Variants in PSD3 observed in about 807,000 individuals in gnomAD.
PSD3 encodes pleckstrin and Sec7 domain containing 3.
Under a neutral mutation model 105.5 loss-of-function variants are expected in PSD3, and 49 were observed. That is an observed-to-expected ratio of 0.46 (90% CI 0.37 to 0.59). The LOEUF is 0.59. Ranked by LOEUF, PSD3 falls within the 20% of genes least tolerant of loss-of-function variation. The pLI, the probability that PSD3 is intolerant of heterozygous loss-of-function variation, is 0.00. For missense variants in PSD3, 1,561 were observed against 1,263.8 expected (o/e 1.24, Z -3.57); for synonymous variants, 557 against 457.8 (o/e 1.22, Z -2.77).
intron 1 of PSD3, among the ~76,000 whole-genome samples, chr8:19,059,640 A>C (rs982552924): frequency 2.0e-5 from 3 of 152,270 alleles, no homozygotes; most frequent in African/African-American, 7.2e-5. Flanking sequence ...CAGTTAGTCA[A>C]GAAATTTAAA....
intron 4 of PSD3, among the ~76,000 whole-genome samples, chr8:18,824,074 G>A (rs908066525): frequency 6.6e-6 from 1 of 152,164 alleles, no homozygotes; most frequent in Non-Finnish European, 1.5e-5. Flanking sequence ...TTGGGAGGCT[G>A]AGGCGGGAAG....
At position 18,869,290 on chromosome 8, in the gene PSD3, A is replaced by G. The variant is rs182430332; in HGVS notation, c.1239-1221T>C. The stretch of plus-strand genomic sequence containing the variant: ...CTGCAGCCTCCGCCTCCCAGGTTCA[A>G]GTGACTCTCCTGCCTCAGACTCTCA... On this transcript the variant is annotated intron_variant, in intron 3 of 15. Coordinates refer to ENST00000327040, the MANE Select transcript of PSD3 (RefSeq NM_015310.4). Among the ~76,000 whole-genome samples, 3 of 150,200 alleles carry G rather than the reference A, an allele frequency of 2.0e-5. No individual in the cohort carries two copies. The East Asian group carries it at 5.9e-4, about 30-fold the overall frequency.
intron 1 of PSD3, among the ~76,000 whole-genome samples, chr8:18,945,423 G>T (rs1202384662): frequency 2.6e-5 from 4 of 152,196 alleles, no homozygotes; most frequent in African/African-American, 7.2e-5. Flanking sequence ...GTGAGCCAAG[G>T]AATGCAAGAA....
At chr8:18,618,513 TA>T (rs1235043038) in intron 11 of PSD3, among the ~76,000 whole-genome samples, 21 of 140,740 alleles carry the variant, frequency 1.5e-4, no homozygotes, top group Non-Finnish European at 2.9e-4. Context: ...TTGCTGTATC[TA>T]TCATATTTTA....
intron 4 of PSD3, among the ~76,000 whole-genome samples, chr8:18,828,068 T>TATATATATATATATA (rs1554515387): frequency 9.6e-5 from 8 of 83,302 alleles, no homozygotes; most frequent in African/African-American, 4.0e-4. Flanking sequence ...TATATATATA[T>TATATATATATATATA]TTTTTTTTTT....
chr8:18,937,727 G>C (rs1467515435), intron 1 of PSD3, among the ~76,000 whole-genome samples: 2 of 152,178 alleles, frequency 1.3e-5, no homozygotes, highest in African/African-American at 4.8e-5. Flanking sequence ...CAATAGAGAG[G>C]AAATATTAAT....
At chr8:18,834,489 T>C (rs914111847) in intron 4 of PSD3, among the ~76,000 whole-genome samples, 1 of 152,198 alleles carries the variant, frequency 6.6e-6, no homozygotes, top group South Asian at 2.1e-4. Context: ...CCACAGCCCC[T>C]GGCAACAGGC....
chr8:19,064,513 TTG>T (rs1829012061), intron 1 of PSD3, among the ~76,000 whole-genome samples: 1 of 151,700 alleles, frequency 6.6e-6, no homozygotes, highest in Non-Finnish European at 1.5e-5. Flanking sequence ...TATCATTTCT[TTG>T]TGTTAGGGAC....
At chr8:19,021,456 A>G (rs1287173192) in intron 1 of PSD3, among the ~76,000 whole-genome samples, 1 of 151,488 alleles carries the variant, frequency 6.6e-6, no homozygotes, top group Non-Finnish European at 1.5e-5. Context: ...TTTTTTTTGC[A>G]TAAATAATGA....
chr8:18,808,796 T>C, intron 4 of PSD3: 1 of 1,613,776 alleles, frequency 6.2e-7, no homozygotes, highest in Non-Finnish European at 8.5e-7. Flanking sequence ...TCGCAACCCC[T>C]GGGGTGCGCC....
At chr8:18,586,536 T>G (rs565425281) in intron 12 of PSD3, among the ~76,000 whole-genome samples, 5 of 152,116 alleles carry the variant, frequency 3.3e-5, no homozygotes, top group Non-Finnish European at 7.3e-5. Flanking sequence ...AGATTGTTAT[T>G]CCAGTGGGTG....
At chr8:18,779,848 A>C (rs1250612015) in intron 8 of PSD3, among the ~76,000 whole-genome samples, 1 of 152,208 alleles carries the variant, frequency 6.6e-6, no homozygotes, top group Non-Finnish European at 1.5e-5. Flanking sequence ...TTGTATAACA[A>C]ATAGTCTAGC....
At chr8:18,617,011 T>C (rs1255050664) in intron 11 of PSD3, among the ~76,000 whole-genome samples, 1 of 152,162 alleles carries the variant, frequency 6.6e-6, no homozygotes, top group Non-Finnish European at 1.5e-5. Context: ...TCTACTCCAT[T>C]GAGGGTCGTG....
At chr8:19,022,507 T>G (rs565791888) in intron 1 of PSD3, among the ~76,000 whole-genome samples, 26 of 152,330 alleles carry the variant, frequency 1.7e-4, no homozygotes, top group African/African-American at 6.0e-4. Flanking sequence ...GAGTGTGGGC[T>G]GATCCCATCC....
chr8:18,546,014 T>A (rs751665839), intron 15 of PSD3, among the ~76,000 whole-genome samples: 1 of 152,192 alleles, frequency 6.6e-6, no homozygotes, highest in East Asian at 1.9e-4. Flanking sequence ...TATTCATTTA[T>A]TTTTGAGATG....
At chr8:19,051,056 T>G (rs1828510925) in intron 1 of PSD3, among the ~76,000 whole-genome samples, 1 of 152,124 alleles carries the variant, frequency 6.6e-6, no homozygotes, top group African/African-American at 2.4e-5. Flanking sequence ...TCCAACATCC[T>G]CAGAGTCTAT....
chr8:18,956,450 G>A (rs1051946917), intron 1 of PSD3, among the ~76,000 whole-genome samples: 1 of 152,122 alleles, frequency 6.6e-6, no homozygotes, highest in African/African-American at 2.4e-5. Context: ...TGATTACACT[G>A]GAGAGGCAGA....
upstream of PSD3, chr8:19,013,963 A>G (rs1164532306): frequency 1.3e-5 from 2 of 150,020 alleles, no homozygotes; most frequent in Non-Finnish European, 2.9e-5. Flanking sequence ...GGCGATCCAG[A>G]CCCTCGCAGT....
At chr8:18,676,360 G>A (rs545475741) in intron 9 of PSD3, among the ~76,000 whole-genome samples, 2 of 152,118 alleles carry the variant, frequency 1.3e-5, no homozygotes, top group African/African-American at 2.4e-5. Context: ...AACAGGAGTG[G>A]GACGCGGCTT....
Sources: gnomAD v4.1 joint callset for allele counts (sites outside exome capture counted in the v4.1 genomes callset) on GRCh38, gnomAD v4.1.1 for gene constraint, MANE v1.5 for transcripts, NCBI Gene and HGNC (gene_info 2026-07-23, HGNC 2026-07-21) for gene names.